Variants in FAR2 observed in about 807,000 individuals in gnomAD.
FAR2 encodes the protein fatty acyl-CoA reductase 2, also known as epididymis secretory protein Li 81.
In FAR2, 19 loss-of-function variants were observed where a neutral mutation model predicts 56.0. That is an observed-to-expected ratio of 0.34 (90% CI 0.24 to 0.50). The LOEUF is 0.50. Ranked by LOEUF, FAR2 falls within the 20% of genes least tolerant of loss-of-function variation. The pLI is 0.98. For synonymous variants in FAR2, 219 were observed against 218.8 expected (o/e 1.00, Z -0.01); for missense variants, 508 against 642.2 (o/e 0.79, Z 2.26).
At chr12:29,230,059 A>T (rs1175285244) in intron 1 of FAR2, among the ~76,000 whole-genome samples, 1 of 152,176 alleles carries the variant, frequency 6.6e-6, no homozygotes, top group Non-Finnish European at 1.5e-5. Flanking sequence ...TGAAGGAAAA[A>T]CAGACTATAA....
intron 1 of FAR2, among the ~76,000 whole-genome samples, chr12:29,221,104 C>G (rs912379188): frequency 1.3e-5 from 2 of 152,074 alleles, no homozygotes; most frequent in Non-Finnish European, 2.9e-5. Context: ...TAACAACACT[C>G]CCTTACCAGG....
intron 1 of FAR2, among the ~76,000 whole-genome samples, chr12:29,268,877 A>T (rs927976542): frequency 6.6e-6 from 1 of 152,146 alleles, no homozygotes. Flanking sequence ...GCAAGTTTTT[A>T]TTAGGGATTT....
chr12:29,170,150 G>C (rs921735578), intron 1 of FAR2, among the ~76,000 whole-genome samples: 2 of 152,230 alleles, frequency 1.3e-5, no homozygotes, highest in Non-Finnish European at 2.9e-5. Flanking sequence ...CAGCTGGCAC[G>C]TTTGAGCAGA....
intron 1 of FAR2, among the ~76,000 whole-genome samples, chr12:29,204,569 C>T (rs1157078451): frequency 1.3e-5 from 2 of 152,150 alleles, no homozygotes; most frequent in African/African-American, 2.4e-5. Flanking sequence ...TGAGATTGGG[C>T]TCCATCTTAG....
At chr12:29,238,275 T>C (rs544921706) in intron 1 of FAR2, among the ~76,000 whole-genome samples, 61 of 152,224 alleles carry the variant, frequency 4.0e-4, no homozygotes, top group African/African-American at 1.4e-3. Flanking sequence ...CAGAAACAGA[T>C]ATGGAAATCT....
At chr12:29,280,037 G>A (rs1948762830) in intron 2 of FAR2, among the ~76,000 whole-genome samples, 1 of 151,350 alleles carries the variant, frequency 6.6e-6, no homozygotes, top group Non-Finnish European at 1.5e-5. Flanking sequence ...TGATTCTCCT[G>A]CCTCAGCCTC....
rs1024295397 is a variant in FAR2, at chr12:29,334,734, T to G, written c.*940T>G. On this transcript the variant is annotated 3_prime_UTR_variant, in exon 12 of 12. Coordinates refer to ENST00000536681, the MANE Select transcript of FAR2 (RefSeq NM_001271783.2). The stretch of plus-strand genomic sequence containing the variant: ...CTTTTAAACTGTAGCTTTAGTCTTC[T>G]GGTATAAAGTGGGGAAGATTACACT... 1 of 152,178 alleles carries G rather than the reference T, an allele frequency of 6.6e-6. No homozygotes were observed. The highest frequency in any genetic ancestry group is 6.6e-5 in the Admixed American group (1 of 15,262). The allele number at this position is 152,178 out of a possible 1,614,324, so 9.4% of individuals were successfully genotyped here.
intron 4 of FAR2, among the ~76,000 whole-genome samples, chr12:29,306,159 A>G (rs1286752695): frequency 6.6e-6 from 1 of 152,180 alleles, no homozygotes; most frequent in Non-Finnish European, 1.5e-5. Context: ...AGGTGTCTGC[A>G]TCATCCTATA....
chr12:29,211,282 C>T (rs184024876), intron 1 of FAR2, among the ~76,000 whole-genome samples: 25 of 152,228 alleles, frequency 1.6e-4, no homozygotes, highest in Admixed American at 1.4e-3. Context: ...TGGAGCAATA[C>T]TCCGTCTCAA....
chr12:29,210,212 A>C (rs1020679804), intron 1 of FAR2, among the ~76,000 whole-genome samples: 1 of 152,172 alleles, frequency 6.6e-6, no homozygotes, highest in Non-Finnish European at 1.5e-5. Flanking sequence ...TCTCAAAATA[A>C]ATTAATTAAA....
At chr12:29,290,419 C>G (rs1591933839) in intron 2 of FAR2, among the ~76,000 whole-genome samples, 2 of 151,616 alleles carry the variant, frequency 1.3e-5, no homozygotes, top group Middle Eastern at 6.8e-3. Context: ...GCACTCCAGC[C>G]TGGGTGACAG....
chr12:29,200,212 A>T (rs746083030), intron 1 of FAR2, among the ~76,000 whole-genome samples: 13 of 152,206 alleles, frequency 8.5e-5, no homozygotes, highest in Non-Finnish European at 1.8e-4. Flanking sequence ...GAAAGTCATT[A>T]TAATGAATTT....
At chr12:29,253,378 G>GATAGATATCTATATATCTAT (rs1948264811) in intron 1 of FAR2, among the ~76,000 whole-genome samples, 2 of 119,988 alleles carry the variant, frequency 1.7e-5, no homozygotes, top group East Asian at 2.5e-4. Context: ...TATCTATCTA[G>GATAGATATCTATATATCTAT]ATAGATAGAT....
chr12:29,230,386 G>A (rs1245133346), intron 1 of FAR2, among the ~76,000 whole-genome samples: 2 of 151,928 alleles, frequency 1.3e-5, no homozygotes, highest in Non-Finnish European at 2.9e-5. Flanking sequence ...CATGTTCTGG[G>A]AACAGACAGC....
intron 10 of FAR2, chr12:29,331,973 T>C (rs751239889): frequency 1.3e-5 from 2 of 152,200 alleles, no homozygotes; most frequent in Admixed American, 1.3e-4. Context: ...TGTATCTGTC[T>C]TCTATGTGGC....
intron 1 of FAR2, among the ~76,000 whole-genome samples, chr12:29,247,321 T>G (rs879922227): frequency 1.6e-4 from 25 of 152,324 alleles, no homozygotes; most frequent in Non-Finnish European, 2.9e-4. Flanking sequence ...CAGATACAGT[T>G]AATAAATACT....
chr12:29,284,789 AAAGCCCACCAATGAAAG>A (rs1948842458), intron 2 of FAR2, among the ~76,000 whole-genome samples: 1 of 152,222 alleles, frequency 6.6e-6, no homozygotes, highest in Non-Finnish European at 1.5e-5. Context: ...TCTTCAAAGA[AAAGCCCACCAATGAAAG>A]AAGCACACAG....
intron 3 of FAR2, 43 bp from the exon 4 acceptor site, chr12:29,296,978 C>G: frequency 6.6e-7 from 1 of 1,524,818 alleles, no homozygotes; most frequent in Non-Finnish European, 8.8e-7. Flanking sequence ...AGGCATGATA[C>G]TGACTTACTT....
intron 1 of FAR2, among the ~76,000 whole-genome samples, chr12:29,206,447 C>T (rs1460607944): frequency 6.6e-6 from 1 of 152,218 alleles, no homozygotes; most frequent in Non-Finnish European, 1.5e-5. Context: ...ACCCTGAGAG[C>T]CCTGCCCCAT....
Sources: allele counts gnomAD v4.1 joint callset (sites outside exome capture counted in the v4.1 genomes callset), GRCh38; gene constraint gnomAD v4.1.1; transcripts MANE v1.5; gene names NCBI Gene and HGNC (gene_info 2026-07-23, HGNC 2026-07-21).